Variants in ITSN1 observed in about 807,000 individuals in gnomAD.
The protein encoded by ITSN1 is intersectin 1.
Under a neutral mutation model 239.8 loss-of-function variants are expected in ITSN1, and 58 were observed. That is an observed-to-expected ratio of 0.24 (90% CI 0.20 to 0.30). The LOEUF is 0.30. Ranked by LOEUF, ITSN1 falls within the 10% of genes least tolerant of loss-of-function variation. ITSN1 has a pLI of 1.00. For synonymous variants in ITSN1, 780 were observed against 770.8 expected (o/e 1.01, Z -0.20); for missense variants, 1,558 against 2,103.3 (o/e 0.74, Z 5.07).
chr21:33,706,920 A>T (rs928658901), intron 1 of ITSN1, among the ~76,000 whole-genome samples: 2 of 151,922 alleles, frequency 1.3e-5, no homozygotes, highest in Non-Finnish European at 2.9e-5. Context: ...ATGGGGTTTC[A>T]CCATGTTAGC....
intron 21 of ITSN1, 76 bp from the exon 22 acceptor site, chr21:33,813,837 T>C (rs2073084926): frequency 2.3e-6 from 3 of 1,300,746 alleles, no homozygotes; most frequent in Non-Finnish European, 3.1e-6. Context: ...TTTTTTTTTT[T>C]GGTACTTTAC....
At chr21:33,645,619 T>C (rs138857741) in intron 1 of ITSN1, among the ~76,000 whole-genome samples, 1 of 152,288 alleles carries the variant, frequency 6.6e-6, no homozygotes, top group Non-Finnish European at 1.5e-5. Flanking sequence ...TACTGCATTC[T>C]AGCCTGGGCG....
chr21:33,740,991 C>T (rs8133754), intron 5 of ITSN1, among the ~76,000 whole-genome samples: 5,876 of 152,220 alleles, frequency 0.039, 393 homozygotes, highest in African/African-American at 0.14. Context: ...GAGAAGATTT[C>T]TAACAAATTT....
At chr21:33,739,777 C>T (rs1260097651) in intron 5 of ITSN1, among the ~76,000 whole-genome samples, 7 of 152,126 alleles carry the variant, frequency 4.6e-5, no homozygotes, top group African/African-American at 9.7e-5. Flanking sequence ...CGAGGGGCGT[C>T]GTAGCTGAAG....
intron 29 of ITSN1, among the ~76,000 whole-genome samples, chr21:33,840,750 G>A (rs563979839): frequency 7.9e-5 from 12 of 152,186 alleles, no homozygotes; most frequent in African/African-American, 2.9e-4. Flanking sequence ...CACCCACCTC[G>A]GCCTCCCAAA....
At chr21:33,645,641 G>A (rs964791048) in intron 1 of ITSN1, among the ~76,000 whole-genome samples, 2 of 152,098 alleles carry the variant, frequency 1.3e-5, no homozygotes, top group African/African-American at 4.8e-5. Flanking sequence ...CAGAGAGAGC[G>A]AGCCTGTGTC....
chr21:33,866,284 G>A (rs1002286279), intron 32 of ITSN1, among the ~76,000 whole-genome samples: 9 of 152,200 alleles, frequency 5.9e-5, no homozygotes, highest in Admixed American at 3.3e-4. Context: ...GTCATTCCAA[G>A]GGGAGAAAGA....
At chr21:33,870,524 C>T (rs1982535978) in intron 33 of ITSN1, among the ~76,000 whole-genome samples, 1 of 152,164 alleles carries the variant, frequency 6.6e-6, no homozygotes, top group Non-Finnish European at 1.5e-5. Flanking sequence ...TGCTAAAGTA[C>T]TAATACTAAA....
chr21:33,838,968 C>G (rs535934272), intron 29 of ITSN1, among the ~76,000 whole-genome samples: 1 of 152,334 alleles, frequency 6.6e-6, no homozygotes, highest in East Asian at 1.9e-4. Flanking sequence ...CAGAAATAAA[C>G]CAGCGTCCAC....
intron 26 of ITSN1, chr21:33,828,984 G>C (rs1355983962): frequency 2.1e-6 from 1 of 471,278 alleles, no homozygotes; most frequent in Non-Finnish European, 4.4e-6. Context: ...CCTGTAACGT[G>C]AAATAAAAAG....
chr21:33,786,309 G>A (rs927134292), intron 16 of ITSN1, among the ~76,000 whole-genome samples: 4 of 152,052 alleles, frequency 2.6e-5, no homozygotes, highest in South Asian at 2.1e-4. Flanking sequence ...TAAGAAATCG[G>A]TAGTCTTCTC....
intron 5 of ITSN1, among the ~76,000 whole-genome samples, chr21:33,746,860 T>G (rs2067215495): frequency 6.7e-6 from 1 of 148,150 alleles, no homozygotes; most frequent in Non-Finnish European, 1.5e-5. Context: ...AAAAGGAAAG[T>G]TCAATAACTA....
At position 33,718,845 on chromosome 21, in the gene ITSN1, C is replaced by T. The variant is rs868634156; in HGVS notation, c.17C>T (p.Thr6Ile). Residue 6 changes from threonine to isoleucine, a missense_variant, in exon 2 of 40, where the codon ACA becomes ATA. Physicochemically the swap from Thr to Ile is moderately conservative, Grantham distance 89. This residue lies in a region of ITSN1 where 982 missense variants were observed against 1,209.9 expected (regional missense o/e 0.81). Transcript: ENST00000381318. MAQFP[T>I]PFGGSLDIWA... ...AACAGAACCATGGCTCAGTTTCCAA[C>T]ACCTTTTGGTGGTAAGTTTTCAGAA... is the stretch of plus-strand genomic sequence containing the variant. The T allele has an allele frequency of 5.6e-6, 9 of 1,613,368 alleles. No homozygotes were observed. In the Middle Eastern group the frequency reaches 1.3e-3, roughly 236 times the overall value.
chr21:33,875,460 A>G lies in ITSN1; in HGVS notation c.4280A>G (p.Lys1427Arg). The G allele has an allele frequency of 6.2e-7, 1 of 1,614,106 alleles. No homozygotes were observed. Residue 1427 changes from lysine (K) to arginine (R), a missense_variant, in exon 34 of 40, where the codon AAG (lysine) becomes AGG (arginine). Around this residue, in one of 2 missense-constraint regions of ITSN1, gnomAD observed 576 missense variants for 893.3 expected, o/e 0.64. Transcript: ENST00000381318. ...CSQVNEGVRE[K>R]ENSDRLEWIQ... ...CAGGTGAACGAAGGGGTGCGGGAGA[A>G]GGAGAACTCTGACCGGCTGGAGTGG...
intron 33 of ITSN1, among the ~76,000 whole-genome samples, chr21:33,867,604 C>A (rs900665238): frequency 6.6e-6 from 1 of 150,432 alleles, no homozygotes; most frequent in Admixed American, 6.6e-5. Context: ...AGTTCAAGCC[C>A]AGCCTGGGCA....
rs115833066 is a variant in ITSN1 at position 33,794,328 on chromosome 21, C to T, written c.1825-13C>T. 143 of 1,599,120 alleles carry T rather than the reference C, an allele frequency of 8.9e-5. 1 individual carries two copies. In the African/African-American group the frequency reaches 1.1e-3, roughly 13 times the overall value. ...TCATGTCGCTACATGAACTGTTTCT[C>T]GGTTAATTATAGGAACTAAGAGAAA... On this transcript the variant is annotated splice_polypyrimidine_tract_variant and intron_variant, in intron 16 of 39. Coordinates refer to ENST00000381318, the MANE Select transcript of ITSN1 (RefSeq NM_003024.3).
At chr21:33,700,853 C>T (rs781214809) in intron 1 of ITSN1, among the ~76,000 whole-genome samples, 2 of 152,014 alleles carry the variant, frequency 1.3e-5, no homozygotes, top group African/African-American at 2.4e-5. Context: ...CTTTTAGTCT[C>T]TAGGTCATTA....
At chr21:33,672,081 C>G (rs2090320851) in intron 1 of ITSN1, among the ~76,000 whole-genome samples, 1 of 151,898 alleles carries the variant, frequency 6.6e-6, no homozygotes, top group African/African-American at 2.4e-5. Flanking sequence ...TCCGTCTCTA[C>G]TAAAAATACA....
At chr21:33,767,895 A>C in intron 11 of ITSN1, 67 bp downstream of exon 11, 1 of 848,392 alleles carries the variant, frequency 1.2e-6, no homozygotes, top group East Asian at 2.6e-5. Flanking sequence ...CCTATCTCTA[A>C]GACAAAGATA....
Sources: allele counts gnomAD v4.1 joint callset (sites outside exome capture counted in the v4.1 genomes callset), GRCh38; gene constraint gnomAD v4.1.1; regional missense constraint gnomAD v4.1.1; transcripts MANE v1.5; gene names NCBI Gene and HGNC (gene_info 2026-07-23, HGNC 2026-07-21).